SMYD3: variants seen among roughly 807,000 people sequenced by gnomAD.
SMYD3 encodes histone-lysine N-methyltransferase SMYD3.
SMYD3 carries 36 observed loss-of-function variants against 57.7 expected under a neutral mutation model. The ratio of observed to expected loss-of-function variants is 0.62; its 90% CI spans 0.48 to 0.82. The LOEUF (loss-of-function observed/expected upper bound fraction) is 0.82. Among genes scored for constraint, SMYD3 ranks in the 40% least tolerant of loss-of-function variants. The pLI is 0.00. For synonymous variants in SMYD3, 211 were observed against 195.0 expected (o/e 1.08, Z -0.68); for missense variants, 515 against 538.8 (o/e 0.96, Z 0.44).
intron 5 of SMYD3, among the ~76,000 whole-genome samples, chr1:246,217,630 T>C (rs2063185319): frequency 6.6e-6 from 1 of 152,074 alleles, no homozygotes; most frequent in African/African-American, 2.4e-5. Context: ...TTTGGTATTA[T>C]CAGAATTTAA....
intron 5 of SMYD3, among the ~76,000 whole-genome samples, chr1:246,214,378 C>A (rs1449527284): frequency 6.6e-6 from 1 of 151,956 alleles, no homozygotes; most frequent in Non-Finnish European, 1.5e-5. Context: ...CCAAGCATGG[C>A]AAGATATCTC....
chr1:245,892,367 C>G (rs9287199), intron 8 of SMYD3, among the ~76,000 whole-genome samples: 151,887 of 152,350 alleles, frequency 1, 75,716 homozygotes, highest in Middle Eastern at 1. Context: ...CTAATTGAAC[C>G]CTTAAAGTAG....
At chr1:246,168,619 G>GTTATTTC (rs2062264667) in intron 5 of SMYD3, among the ~76,000 whole-genome samples, 1 of 151,986 alleles carries the variant, frequency 6.6e-6, no homozygotes, top group South Asian at 2.1e-4. Context: ...CTTTATAATT[G>GTTATTTC]TTATTTCTTT....
intron 10 of SMYD3, among the ~76,000 whole-genome samples, chr1:245,793,798 G>A (rs1481676248): frequency 6.6e-6 from 1 of 152,086 alleles, no homozygotes; most frequent in African/African-American, 2.4e-5. Context: ...ACATGACCTG[G>A]TTCATGCTTT....
chr1:246,299,806 G>A (rs1284484324), intron 5 of SMYD3, among the ~76,000 whole-genome samples: 2 of 151,810 alleles, frequency 1.3e-5, no homozygotes, highest in Non-Finnish European at 2.9e-5. Context: ...GACACACGGA[G>A]AGGAACAACA....
chr1:245,941,317 C>G (rs112524944), intron 5 of SMYD3, among the ~76,000 whole-genome samples: 92 of 152,142 alleles, frequency 6.0e-4, no homozygotes, highest in African/African-American at 1.9e-3. Context: ...ATCCAGGGAA[C>G]CCCAGTAAGA....
At chr1:245,769,248 C>A (rs920808547) in intron 10 of SMYD3, among the ~76,000 whole-genome samples, 1 of 152,172 alleles carries the variant, frequency 6.6e-6, no homozygotes, top group Non-Finnish European at 1.5e-5. Context: ...ATCCACTGAT[C>A]AATCTTAGCA....
At chr1:246,141,411 C>G (rs1478443058) in intron 5 of SMYD3, among the ~76,000 whole-genome samples, 4 of 152,190 alleles carry the variant, frequency 2.6e-5, no homozygotes, top group African/African-American at 4.8e-5. Context: ...ACAATTATTT[C>G]TCAAATTTTA....
At chr1:246,239,702 C>A (rs1431097378) in intron 5 of SMYD3, among the ~76,000 whole-genome samples, 2 of 152,146 alleles carry the variant, frequency 1.3e-5, no homozygotes, top group African/African-American at 4.8e-5. Flanking sequence ...TTTACAGTCC[C>A]ACCAACAGTG....
At chr1:246,010,792 G>T (rs1304758225) in intron 5 of SMYD3, among the ~76,000 whole-genome samples, 1 of 152,162 alleles carries the variant, frequency 6.6e-6, no homozygotes, top group Non-Finnish European at 1.5e-5. Flanking sequence ...GGTGTCTATG[G>T]ATATCTGCGT....
intron 8 of SMYD3, among the ~76,000 whole-genome samples, chr1:245,884,476 G>T (rs2148560103): frequency 6.6e-6 from 1 of 152,258 alleles, no homozygotes; most frequent in Admixed American, 6.5e-5. Flanking sequence ...GGCAGTGTCT[G>T]ATTTACATAG....
chr1:245,849,521 C>G (rs1465754735), intron 10 of SMYD3, among the ~76,000 whole-genome samples: 1 of 152,132 alleles, frequency 6.6e-6, no homozygotes, highest in Non-Finnish European at 1.5e-5. Flanking sequence ...TTCTCTAGAA[C>G]CCAGTGTTGA....
chr1:246,212,226 G>A (rs1207668594), intron 5 of SMYD3, among the ~76,000 whole-genome samples: 1 of 151,888 alleles, frequency 6.6e-6, no homozygotes, highest in Non-Finnish European at 1.5e-5. Flanking sequence ...CACAGTAATT[G>A]TATATCTAGT....
At chr1:246,199,980 A>G (rs1229901352) in intron 5 of SMYD3, among the ~76,000 whole-genome samples, 2 of 152,202 alleles carry the variant, frequency 1.3e-5, no homozygotes, top group African/African-American at 4.8e-5. Context: ...ACGCTGAGGT[A>G]GAATGTACAC....
rs2066645875 is a variant in SMYD3 at position 246,395,577 on chromosome 1, T to C, written c.165-40483A>G. Among the ~76,000 whole-genome samples, 7 of 130,558 alleles carry C rather than the reference T, an allele frequency of 5.4e-5. No individual in the cohort carries two copies. In the South Asian group the frequency reaches 1.8e-3, roughly 33 times the overall value. The allele number at this position is 130,558 out of a possible 152,430, so 85.7% of individuals were successfully genotyped here. A position where few individuals can be genotyped will look rare whatever the true frequency, so the allele number is the denominator to read the frequency against. On this transcript the variant is annotated intron_variant, in intron 1 of 11. Coordinates refer to ENST00000490107, the MANE Select transcript of SMYD3 (RefSeq NM_001167740.2). The stretch of plus-strand genomic sequence containing the variant: ...GGACAATGTGCACTACTACTGCGAG[T>C]GGACCCCCACGGTCAGACAGGGAAG...
At chr1:246,113,762 T>C (rs1439484126) in intron 5 of SMYD3, 1 of 152,204 alleles carries the variant, frequency 6.6e-6, no homozygotes, top group African/African-American at 2.4e-5. Flanking sequence ...TGGTCATGAC[T>C]GGAACACAGG....
At chr1:246,462,327 C>G (rs562851881) in intron 1 of SMYD3, among the ~76,000 whole-genome samples, 1 of 151,698 alleles carries the variant, frequency 6.6e-6, no homozygotes, top group African/African-American at 2.4e-5. Flanking sequence ...TGAATTCTCC[C>G]GTGGATGCTG....
chr1:246,491,544 TAAA>T (rs369181751), intron 1 of SMYD3, among the ~76,000 whole-genome samples: 6 of 93,614 alleles, frequency 6.4e-5, no homozygotes, highest in Non-Finnish European at 8.4e-5. Context: ...TCGTCTCAAA[TAAA>T]AAAAAAAAAA....
chr1:246,033,210 T>C (rs997022144), intron 5 of SMYD3, among the ~76,000 whole-genome samples: 4 of 151,780 alleles, frequency 2.6e-5, no homozygotes, highest in African/African-American at 7.3e-5. Context: ...GAATACTAAT[T>C]GGTAATAAAA....
Sources: gnomAD v4.1 joint callset for allele counts (sites outside exome capture counted in the v4.1 genomes callset) on GRCh38, gnomAD v4.1.1 for gene constraint, MANE v1.5 for transcripts, NCBI Gene and HGNC (gene_info 2026-07-23, HGNC 2026-07-21) for gene names.